Variants in TNRC6B observed in about 807,000 individuals in gnomAD.
TNRC6B encodes trinucleotide repeat containing adaptor 6B, also known as trinucleotide repeat-containing gene 6B protein.
TNRC6B carries 52 observed loss-of-function variants against 203.6 expected under a neutral mutation model. That is an observed-to-expected ratio of 0.26 (90% CI 0.20 to 0.32). The LOEUF is 0.32. Among genes scored for constraint, TNRC6B ranks in the 10% least tolerant of loss-of-function variants. The probability of loss-of-function intolerance (pLI) is 1.00; values close to 1 mark genes in which losing one functional copy is unlikely to be tolerated. For missense variants in TNRC6B, 1,923 were observed against 2,286.2 expected, an observed-to-expected ratio of 0.84 and a Z score of 3.24; for synonymous variants, 838 against 845.7, an observed-to-expected ratio of 0.99 and a Z score of 0.16.
At chr22:40,210,950 A>G (rs576137933) in intron 1 of TNRC6B, among the ~76,000 whole-genome samples, 2 of 152,266 alleles carry the variant, frequency 1.3e-5, no homozygotes, top group African/African-American at 2.4e-5. Context: ...CAGTCATGAC[A>G]AACAAATGTC....
chr22:40,096,004 C>A (rs1250650129), intron 1 of TNRC6B, among the ~76,000 whole-genome samples: 1 of 152,044 alleles, frequency 6.6e-6, no homozygotes, highest in Non-Finnish European at 1.5e-5. Flanking sequence ...CTCCTCTGTA[C>A]CCCTCCTATC....
chr22:40,066,686 T>C (rs2067895979), intron 1 of TNRC6B, among the ~76,000 whole-genome samples: 1 of 152,160 alleles, frequency 6.6e-6, no homozygotes. Flanking sequence ...GGTGTGTATC[T>C]TGAAAAATAA....
chr22:40,119,462 T>C (rs975435457), intron 2 of TNRC6B, among the ~76,000 whole-genome samples: 3 of 152,182 alleles, frequency 2.0e-5, no homozygotes, highest in Non-Finnish European at 4.4e-5. Flanking sequence ...CACGTGCCTG[T>C]AGTCCCAGCT....
chr22:40,126,547 C>A (rs956899102), intron 3 of TNRC6B, among the ~76,000 whole-genome samples: 1 of 144,786 alleles, frequency 6.9e-6, no homozygotes, highest in South Asian at 2.2e-4. Flanking sequence ...TGGCCTTCAG[C>A]TGTATCCCTG....
chr22:40,048,892 G>T (rs2067719168), intron 1 of TNRC6B, among the ~76,000 whole-genome samples: 2 of 151,870 alleles, frequency 1.3e-5, no homozygotes. Context: ...CCAGGCTGGA[G>T]TGAAGTGGCA....
chr22:40,055,454 C>T (rs997943867), intron 1 of TNRC6B, among the ~76,000 whole-genome samples: 2 of 152,148 alleles, frequency 1.3e-5, no homozygotes, highest in African/African-American at 4.8e-5. Context: ...CTTTACAAGG[C>T]TGGCATTAGG....
chr22:40,217,400 A>G (rs867395320), intron 1 of TNRC6B, among the ~76,000 whole-genome samples: 4 of 152,158 alleles, frequency 2.6e-5, no homozygotes, highest in Non-Finnish European at 5.9e-5. Context: ...TGGCCTGCCC[A>G]GGTCTCGTGG....
At chr22:40,075,826 G>T (rs968107436) in intron 1 of TNRC6B, among the ~76,000 whole-genome samples, 1 of 152,072 alleles carries the variant, frequency 6.6e-6, no homozygotes, top group Admixed American at 6.5e-5. Context: ...AACTTATGCA[G>T]TCTGCCTTAA....
intron 1 of TNRC6B, among the ~76,000 whole-genome samples, chr22:40,072,829 A>C (rs1196110036): frequency 1.5e-5 from 2 of 135,900 alleles, no homozygotes; most frequent in Non-Finnish European, 3.1e-5. Flanking sequence ...GTGCCATTGC[A>C]TTCCAGCCTG....
At chr22:40,271,043 T>C (rs1412239311) in intron 6 of TNRC6B, among the ~76,000 whole-genome samples, 2 of 152,240 alleles carry the variant, frequency 1.3e-5, no homozygotes, top group East Asian at 3.8e-4. Context: ...TTCAGATTTT[T>C]TAAACCTGGC....
intron 1 of TNRC6B, among the ~76,000 whole-genome samples, chr22:40,108,157 G>T (rs1037585407): frequency 6.6e-6 from 1 of 152,140 alleles, no homozygotes; most frequent in African/African-American, 2.4e-5. Context: ...GGCAGTTCTG[G>T]TAAGCCATTT....
At chr22:40,220,994 C>T (rs2069700171) in intron 1 of TNRC6B, among the ~76,000 whole-genome samples, 1 of 152,166 alleles carries the variant, frequency 6.6e-6, no homozygotes, top group Admixed American at 6.5e-5. Context: ...TGCCTTTAGC[C>T]AGAAGGCTTG....
Position 40,251,213 on chromosome 22 carries a change from T to C in TNRC6B, c.115+13T>C, listed in dbSNP as rs1241391361. The C allele has an allele frequency of 5.2e-6, 8 of 1,526,552 alleles. No homozygotes were observed. The highest frequency in any genetic ancestry group is 7.1e-6 in the Non-Finnish European group (8 of 1,132,050). 94.6% of individuals were successfully genotyped at this position (1,526,552 alleles called of 1,614,324 possible). ...CAAAAAACCAAAGGTAAGATCTTTTTTTTCTTTTTAAATTATTTAGAACCT... is the reference window on the plus strand; with the variant it reads ...CAAAAAACCAAAGGTAAGATCTTTTCTTTCTTTTTAAATTATTTAGAACCT... On this transcript the variant is annotated intron_variant, in intron 3 of 22. Transcript: ENST00000454349.
chr22:40,179,941 A>T (rs1328287960), intron 1 of TNRC6B, among the ~76,000 whole-genome samples: 1 of 152,206 alleles, frequency 6.6e-6, no homozygotes, highest in Non-Finnish European at 1.5e-5. Context: ...TTATTTTAAA[A>T]AATTAATGTT....
chr22:40,316,894 C>T (rs183936931), intron 21 of TNRC6B, among the ~76,000 whole-genome samples: 1 of 152,290 alleles, frequency 6.6e-6, no homozygotes, highest in Admixed American at 6.5e-5. Flanking sequence ...GAGTGGGTTT[C>T]TGCAGATCTT....
chr22:40,096,984 C>T (rs1188424915), intron 1 of TNRC6B, among the ~76,000 whole-genome samples: 2 of 152,164 alleles, frequency 1.3e-5, no homozygotes, highest in African/African-American at 4.8e-5. Flanking sequence ...CCATATGGCA[C>T]CAGGCTTCAG....
chr22:40,158,809 T>G (rs2068843436), intron 4 of TNRC6B, among the ~76,000 whole-genome samples: 1 of 152,216 alleles, frequency 6.6e-6, no homozygotes, highest in Admixed American at 6.5e-5. Context: ...CACAAGGTGC[T>G]GTGAGCAAAG....
At chr22:40,296,778 C>T (rs1412242755) in intron 12 of TNRC6B, among the ~76,000 whole-genome samples, 1 of 152,134 alleles carries the variant, frequency 6.6e-6, no homozygotes, top group Non-Finnish European at 1.5e-5. Flanking sequence ...CAGGCGCTTG[C>T]CACCATGCCT....
intron 3 of TNRC6B, among the ~76,000 whole-genome samples, chr22:40,129,271 G>T (rs966189877): frequency 3.9e-5 from 6 of 152,196 alleles, no homozygotes; most frequent in African/African-American, 1.4e-4. Flanking sequence ...CCATGCCTAG[G>T]GCAGCCATTG....
Sources: gnomAD v4.1 joint callset for allele counts (sites outside exome capture counted in the v4.1 genomes callset) on GRCh38, gnomAD v4.1.1 for gene constraint, MANE v1.5 for transcripts, NCBI Gene and HGNC (gene_info 2026-07-23, HGNC 2026-07-21) for gene names.